Variants in PAEP observed in about 807,000 individuals in gnomAD.
The protein encoded by PAEP is glycodelin.
Under a neutral mutation model 23.0 loss-of-function variants are expected in PAEP, and 28 were observed. That is an observed-to-expected ratio of 1.22 (90% CI 0.90 to 1.67). The LOEUF is 1.67. Among genes scored for constraint, PAEP ranks in the 40% most tolerant of loss-of-function variants. The pLI is 0.00. For synonymous variants in PAEP, 103 were observed against 92.4 expected (o/e 1.12, Z -0.66); for missense variants, 209 against 226.4 (o/e 0.92, Z 0.49).
intron 2 of PAEP, 107 bp from the exon 3 acceptor site, chr9:135,562,713 G>T (rs1001227146): frequency 8.3e-6 from 8 of 965,982 alleles, no homozygotes; most frequent in Admixed American, 3.7e-5. Context: ...GCGGGCTGCG[G>T]TGCTCCTTGG....
At chr9:135,565,910 C>A in intron 6 of PAEP, 109 bp downstream of exon 6, 1 of 1,242,486 alleles carries the variant, frequency 8.0e-7, no homozygotes, top group East Asian at 2.3e-5. Flanking sequence ...CAGTTCAGGG[C>A]TGACCCTACA....
rs750558999 is a variant in PAEP at position 135,561,761 on chromosome 9, C to T, written c.-41C>T. On this transcript the variant is annotated 5_prime_UTR_variant, in exon 1 of 7. Transcript: ENST00000479141. ...CCCTGAGCCCACACTGCCTCAGCAT[C>T]CCTCTGGCTCCAGAGCTCAGAGCCA... The T allele has an allele frequency of 4.9e-5, 71 of 1,458,704 alleles. No homozygotes were observed. The highest frequency in any genetic ancestry group is 1.2e-4 in the Admixed American group (6 of 49,120). 90.4% of individuals were successfully genotyped at this position (1,458,704 alleles called of 1,614,324 possible). A position where few individuals can be genotyped will look rare whatever the true frequency, so the allele number is the denominator to read the frequency against.
At chr9:135,563,821 G>C (rs1356349935) in intron 3 of PAEP, among the ~76,000 whole-genome samples, 1 of 152,058 alleles carries the variant, frequency 6.6e-6, no homozygotes, top group Non-Finnish European at 1.5e-5. Context: ...CTCATGCTTG[G>C]GACTTGCCTC....
chr9:135,562,181 A>G lies in PAEP; in HGVS notation c.97-113A>G, dbSNP rs946538316. The G allele has an allele frequency of 6.6e-6, 8 of 1,215,322 alleles. No individual in the cohort carries two copies. The African/African-American group carries it at 7.5e-5, about 11-fold the overall frequency. The allele number at this position is 1,215,322 out of a possible 1,614,324, so 75.3% of individuals were successfully genotyped here. On this transcript the variant is annotated intron_variant, in intron 1 of 6. Transcript: ENST00000479141. ...TAGCCCAGGATCTGGTAGATAGCAG[A>G]CAACCATCCAATGCTCACTGTACCC...
chr9:135,564,983 T>C, intron 4 of PAEP: 1 of 585,216 alleles, frequency 1.7e-6, no homozygotes, highest in Non-Finnish European at 2.2e-6. Context: ...AGGCCAGGAA[T>C]ACCAAAATAG....
intron 6 of PAEP, 26 bp from the exon 7 acceptor site, chr9:135,566,527 A>C (rs1832583968): frequency 6.5e-6 from 1 of 154,258 alleles, no homozygotes. Flanking sequence ...TCCTCCCTCT[A>C]CTTAAGTGAC....
rs1011480696 is a variant in PAEP at position 135,561,962 on chromosome 9, G to C, written c.96+65G>C. The C allele has an allele frequency of 1.0e-5, 13 of 1,247,784 alleles. No homozygotes were observed. The East Asian group carries it at 1.5e-4, about 15-fold the overall frequency. 77.3% of individuals were successfully genotyped at this position (1,247,784 alleles called of 1,614,324 possible). ...CTGGGGCGGGTGGGAGCTGCGGGCA[G>C]GCAGGAAGCCCAGGATCTCAGAAAC... On this transcript the variant is annotated intron_variant, in intron 1 of 6. Transcript: ENST00000479141.
Position 135,562,349 on chromosome 9 carries a change from C to T in PAEP, c.152C>T (p.Ala51Val), listed in dbSNP as rs145340827. Reference protein sequence around the residue: ...AMATNNISLMATLKAPLRVHI... With the variant: ...AMATNNISLMVTLKAPLRVHI... The stretch of plus-strand genomic sequence containing the variant: ...GCGACCAACAACATCTCCCTCATGG[C>T]GACACTGAAGGCCCCTCTGAGGGTC... The change falls in exon 2 of 7, where the codon GCG becomes GTG. Residue 51 changes from alanine (A) to valine (V), a missense_variant. Coordinates refer to ENST00000479141, the MANE Select transcript of PAEP (RefSeq NM_002571.4). The T allele has an allele frequency of 3.3e-5, 54 of 1,613,990 alleles. No homozygotes were observed. Among genetic ancestry groups the T allele is most frequent in the African/African-American group, 1.1e-4 (8 of 74,912 alleles).
intron 1 of PAEP, 41 bp from the exon 2 acceptor site, chr9:135,562,253 A>T: frequency 6.2e-7 from 1 of 1,603,866 alleles, no homozygotes; most frequent in Non-Finnish European, 8.5e-7. Flanking sequence ...AACGAGAGCC[A>T]TGGTGGGGTG....
In PAEP at chr9:135,564,334, G is replaced by A. The variant is rs1249913396; in HGVS notation, c.401G>A (p.Ser134Asn). 1 of 1,550,798 alleles carries A rather than the reference G, an allele frequency of 6.4e-7. No individual in the cohort carries two copies. Among genetic ancestry groups the A allele is most frequent in the Non-Finnish European group, 8.7e-7 (1 of 1,147,212 alleles). ...CLQDTTTPIQ[S>N]MMCQYLARVL... ...CAGGACACCACCACCCCCATCCAGA[G>A]CATGATGTGCCAGTACCTGGGTGGG... is the stretch of plus-strand genomic sequence containing the variant. The change falls in exon 4 of 7, where the codon AGC (serine) becomes AAC (asparagine). Residue 134 changes from serine (S) to asparagine (N), a missense_variant. By Grantham distance (46) the Ser-to-Asn change is conservative. Coordinates refer to ENST00000479141, the MANE Select transcript of PAEP (RefSeq NM_002571.4).
At chr9:135,562,478 C>T (rs1832354149) in intron 2 of PAEP, 45 bp downstream of exon 2, 1 of 1,598,130 alleles carries the variant, frequency 6.3e-7, no homozygotes, top group Non-Finnish European at 8.5e-7. Context: ...GGCTCAGTCT[C>T]CCCCCTCAGG....
At chr9:135,564,803 C>A in intron 4 of PAEP, 1 of 985,442 alleles carries the variant, frequency 1.0e-6, no homozygotes, top group Non-Finnish European at 1.2e-6. Flanking sequence ...CACGCCCGGC[C>A]AGGCTGAGTT....
intron 6 of PAEP, 93 bp downstream of exon 6, chr9:135,565,894 T>A: frequency 7.3e-7 from 1 of 1,371,986 alleles, no homozygotes; most frequent in Non-Finnish European, 1.0e-6. Flanking sequence ...CAGACCCTAC[T>A]GTGTCCAGTT....
intron 6 of PAEP, 66 bp downstream of exon 6, chr9:135,565,867 T>A (rs1309842943): frequency 6.4e-7 from 1 of 1,557,162 alleles, no homozygotes; most frequent in Non-Finnish European, 8.9e-7. Flanking sequence ...TGCGGCTGCC[T>A]CTCTGGGCCC....
In PAEP at chr9:135,562,283, G is replaced by A; in HGVS notation, c.97-11G>A. On this transcript the variant is annotated splice_polypyrimidine_tract_variant and intron_variant, in intron 1 of 6. Transcript: ENST00000479141. ...GGGGTGGGACCGCCGTGCAGCCCAA[G>A]GCCCCCTCAGTTGGCAGGGACCTGG... is the stretch of plus-strand genomic sequence containing the variant. 2.5e-6 allele frequency: 4 copies of A among 1,612,892 alleles called. No homozygotes were observed. The highest frequency in any genetic ancestry group is 3.4e-6 in the Non-Finnish European group (4 of 1,179,500).
At chr9:135,564,551 T>G (rs1185869845) in intron 4 of PAEP, 197 bp downstream of exon 4, 1 of 898,694 alleles carries the variant, frequency 1.1e-6, no homozygotes, top group African/African-American at 1.8e-5. Flanking sequence ...TCACTCAGGC[T>G]GGAGTGTAGT....
intron 1 of PAEP, 66 bp downstream of exon 1, chr9:135,561,963 G>T (rs963170073): frequency 8.3e-7 from 1 of 1,211,492 alleles, no homozygotes; most frequent in African/African-American, 1.5e-5. Context: ...CTGCGGGCAG[G>T]CAGGAAGCCC....
Position 135,562,825 on chromosome 9 carries a change from A to G in PAEP, c.242A>G (p.Asn81Ser). The G allele has an allele frequency of 6.2e-7, 1 of 1,613,470 alleles. No individual in the cohort carries two copies. The highest frequency in any genetic ancestry group is 8.5e-7 in the Non-Finnish European group (1 of 1,179,488). ...NLEIVLHRWE[N>S]NSCVEKKVLG... ...CTATTGTCACCACCTTTCAGGGAGA[A>G]CAACAGCTGTGTTGAGAAGAAGGTC... The change falls in exon 3 of 7, where the codon AAC becomes AGC. Residue 81 changes from asparagine to serine, a missense_variant. Transcript: ENST00000479141.
chr9:135,562,729 G>A (rs911749825), intron 2 of PAEP, 91 bp from the exon 3 acceptor site: 6 of 1,098,344 alleles, frequency 5.5e-6, no homozygotes, highest in Non-Finnish European at 8.3e-6. Flanking sequence ...CTTGGACCCG[G>A]GGAAGTTCCC....
Sources: allele counts gnomAD v4.1 joint callset (sites outside exome capture counted in the v4.1 genomes callset), GRCh38; gene constraint gnomAD v4.1.1; transcripts MANE v1.5; gene names NCBI Gene and HGNC (gene_info 2026-07-23, HGNC 2026-07-21).